The following ZNF114 variants were observed in gnomAD, a reference collection of about 807,000 sequenced individuals.
ZNF114 encodes zinc finger protein 114 (Y18).
A neutral mutation model predicts 6.8 loss-of-function variants in ZNF114; 8 were observed. The observed-to-expected ratio is 1.18, with a 90% CI of 0.69 to 2.13. ZNF114 has a LOEUF of 2.13. Ranked by LOEUF, ZNF114 falls within the 30% of genes most tolerant of loss-of-function variation. ZNF114 has a pLI of 0.00. For missense variants in ZNF114, 472 were observed against 519.5 expected (o/e 0.91, Z 0.89); for synonymous variants, 169 against 185.5 (o/e 0.91, Z 0.72).
intron 5 of ZNF114, among the ~76,000 whole-genome samples, chr19:48,283,716 G>A (rs1177102856): frequency 6.7e-6 from 1 of 148,610 alleles, no homozygotes; most frequent in Non-Finnish European, 1.5e-5. Flanking sequence ...CTTCTCCCTG[G>A]GGGGTTCTGG....
Position 48,279,864 on chromosome 19 carries a change from G to A in ZNF114, c.9+56G>A, listed in dbSNP as rs1967946375. On this transcript the variant is annotated intron_variant, in intron 4 of 5. Transcript: ENST00000595607. ...CGTGTTGTCGTTCCCACGAGTCAAT[G>A]TGCCTCTGCCTGTGGCTGGGAGTCA... is the stretch of plus-strand genomic sequence containing the variant. 4 of 1,613,090 alleles carry A rather than the reference G, an allele frequency of 2.5e-6. No homozygotes were observed. The Admixed American group carries it at 6.7e-5, about 27-fold the overall frequency.
In ZNF114 at chr19:48,286,973, G is replaced by A; in HGVS notation, c.*95G>A. ...GAGCTCAAGGGGTTAGCATGAGTGA[G>A]AACATCTTCCCTGAACTCTCGTATC... is the stretch of plus-strand genomic sequence containing the variant. On this transcript the variant is annotated 3_prime_UTR_variant, in exon 6 of 6. Coordinates refer to ENST00000595607, the MANE Select transcript of ZNF114 (RefSeq NM_153608.4). 7.6e-7 allele frequency: 1 copy of A among 1,308,672 alleles called. No homozygotes were observed. The highest frequency in any genetic ancestry group is 1.0e-6 in the Non-Finnish European group (1 of 975,162). The allele number at this position is 1,308,672 out of a possible 1,614,324, so 81.1% of individuals were successfully genotyped here. A position where few individuals can be genotyped will look rare whatever the true frequency, so the allele number is the denominator to read the frequency against.
chr19:48,282,385 C>T lies in ZNF114; in HGVS notation c.24C>T (p.Phe8=), dbSNP rs778929862. The change falls in exon 5 of 6, where the codon TTC becomes TTT. Residue 8 remains phenylalanine, a synonymous_variant. Transcript: ENST00000595607. The part of the protein sequence containing the change: MSQDSVT[F]ADVAVNFTKE... ...TGTTATTTTAGGACTCGGTGACCTTCGCAGACGTGGCTGTGAACTTCACCA... is the reference window on the plus strand; with the variant it reads ...TGTTATTTTAGGACTCGGTGACCTTTGCAGACGTGGCTGTGAACTTCACCA... 36 of 1,612,798 alleles carry T rather than the reference C, an allele frequency of 2.2e-5. No homozygotes were observed. Among genetic ancestry groups the T allele is most frequent in the Non-Finnish European group, 2.9e-5 (34 of 1,179,430 alleles).
rs1359570321 is a variant in ZNF114, at chr19:48,286,999, T to G, written c.*121T>G. 9.2e-7 allele frequency: 1 copy of G among 1,089,392 alleles called. No individual in the cohort carries two copies. The highest frequency in any genetic ancestry group is 2.8e-5 in the East Asian group (1 of 35,808). 67.5% of individuals were successfully genotyped at this position (1,089,392 alleles called of 1,614,324 possible). A position where few individuals can be genotyped will look rare whatever the true frequency, so the allele number is the denominator to read the frequency against. On this transcript the variant is annotated 3_prime_UTR_variant, in exon 6 of 6. Transcript: ENST00000595607. ...AACATCTTCCCTGAACTCTCGTATC[T>G]TACAGAAATGTGAAAAAAAACCCTG...
intron 3 of ZNF114, among the ~76,000 whole-genome samples, chr19:48,278,717 G>A (rs560799613): frequency 3.3e-5 from 5 of 152,196 alleles, no homozygotes; most frequent in Middle Eastern, 3.4e-3. Flanking sequence ...CGAGGCGGGC[G>A]GATCACTTGA....
Position 48,286,801 on chromosome 19 carries a change from T to C in ZNF114, c.1177T>C (p.Cys393Arg), listed in dbSNP as rs560357776. The change falls in exon 6 of 6, where the codon TGT becomes CGT. Residue 393 changes from cysteine to arginine, a missense_variant. Coordinates refer to ENST00000595607, the MANE Select transcript of ZNF114 (RefSeq NM_153608.4). ...TGEKPYKCKTCGKDFAKSSGL... is the reference protein window; with the variant it reads ...TGEKPYKCKTRGKDFAKSSGL... Reference sequence around the variant, plus strand: ...AGAGAAACCCTATAAATGTAAGACATGTGGAAAAGACTTTGCAAAGTCGTC... The same window carrying C: ...AGAGAAACCCTATAAATGTAAGACACGTGGAAAAGACTTTGCAAAGTCGTC... The C allele has an allele frequency of 2.5e-6, 4 of 1,605,500 alleles. No homozygotes were observed. In the South Asian group the frequency reaches 3.4e-5, roughly 14 times the overall value.
intron 3 of ZNF114, among the ~76,000 whole-genome samples, chr19:48,278,745 C>A (rs1967914831): frequency 6.6e-6 from 1 of 152,110 alleles, no homozygotes; most frequent in Non-Finnish European, 1.5e-5. Context: ...AGTTCGAGAC[C>A]AGCCTGGCCA....
intron 3 of ZNF114, among the ~76,000 whole-genome samples, chr19:48,277,660 C>A (rs1335451461): frequency 2.0e-5 from 3 of 152,214 alleles, no homozygotes; most frequent in Admixed American, 6.5e-5. Context: ...AGCTCCCCTG[C>A]CATCTGGCAC....
chr19:48,282,210 T>C (rs1600844526), intron 4 of ZNF114, 161 bp from the exon 5 acceptor site: 3 of 992,456 alleles, frequency 3.0e-6, no homozygotes, highest in East Asian at 2.9e-5. Context: ...AACCTCATCT[T>C]AATTCATTGA....
rs1968123198 is a variant in ZNF114, at chr19:48,286,190, G to A, written c.566G>A (p.Cys189Tyr). 1 of 1,614,190 alleles carries A rather than the reference G, an allele frequency of 6.2e-7. No homozygotes were observed. The highest frequency in any genetic ancestry group is 8.5e-7 in the Non-Finnish European group (1 of 1,180,042). The change falls in exon 6 of 6, where the codon TGT becomes TAT. Residue 189 changes from cysteine (C) to tyrosine (Y), a missense_variant. Coordinates refer to ENST00000595607, the MANE Select transcript of ZNF114 (RefSeq NM_153608.4). ...VLGWNIQWVP[C>Y]GRKTELKSST... ...GGGTGGAACATTCAGTGGGTTCCGTGTGGGAGAAAAACAGAGCTGAAATCA... is the reference window on the plus strand; with the variant it reads ...GGGTGGAACATTCAGTGGGTTCCGTATGGGAGAAAAACAGAGCTGAAATCA...
At chr19:48,277,794 G>GGGGTGTGGGGGTGTGTGTGTGTGTGT in intron 3 of ZNF114, among the ~76,000 whole-genome samples, 1 of 119,410 alleles carries the variant, frequency 8.4e-6, no homozygotes, top group East Asian at 2.5e-4. Context: ...GGAGGCATTG[G>GGGGTGTGGGGGTGTGTGTGTGTGTGT]GTGTGTGTGT....
chr19:48,274,507 T>TA (rs1491211469), intron 3 of ZNF114, among the ~76,000 whole-genome samples: 3,084 of 15,028 alleles, frequency 0.21, 42 homozygotes, highest in African/African-American at 0.29. Context: ...TATATATATA[T>TA]TTTTTTTTTT....
In ZNF114 at chr19:48,279,780, C is replaced by A; in HGVS notation, c.-20C>A. The stretch of plus-strand genomic sequence containing the variant: ...GGAAACACGGGGAAGCCAGGACTGG[C>A]CGTCACGTTGGTGACAAATATGTCC... On this transcript the variant is annotated 5_prime_UTR_variant, in exon 4 of 6. Coordinates refer to ENST00000595607, the MANE Select transcript of ZNF114 (RefSeq NM_153608.4). 6 of 1,613,966 alleles carry A rather than the reference C, an allele frequency of 3.7e-6. No homozygotes were observed. Among genetic ancestry groups the A allele is most frequent in the Non-Finnish European group, 5.1e-6 (6 of 1,179,926 alleles).
chr19:48,273,862 A>G lies in ZNF114; in HGVS notation c.-70+2034A>G, dbSNP rs572914912. Among the ~76,000 whole-genome samples, 353 of 145,818 alleles carry G rather than the reference A, an allele frequency of 2.4e-3. 1 individual carries two copies. The highest frequency in any genetic ancestry group is 8.6e-3 in the African/African-American group (339 of 39,226). ...AAGCTCCTCCTCCCGGGTTCTCGCCATTCTCCTGCCTCAGGCTCCCGAGTA... is the reference window on the plus strand; with the variant it reads ...AAGCTCCTCCTCCCGGGTTCTCGCCGTTCTCCTGCCTCAGGCTCCCGAGTA... On this transcript the variant is annotated intron_variant, in intron 3 of 5. Coordinates refer to ENST00000595607, the MANE Select transcript of ZNF114 (RefSeq NM_153608.4).
At chr19:48,285,519 G>C (rs976513463) in intron 5 of ZNF114, among the ~76,000 whole-genome samples, 1 of 145,800 alleles carries the variant, frequency 6.9e-6, no homozygotes, top group African/African-American at 2.6e-5. Flanking sequence ...GAAAGACAGA[G>C]AGAACGAGAG....
intron 3 of ZNF114, among the ~76,000 whole-genome samples, chr19:48,275,154 AAGAGAGAAAGAG>A (rs1031808603): frequency 4.9e-4 from 72 of 147,936 alleles, no homozygotes; most frequent in African/African-American, 1.8e-3. Context: ...AAAAGAAAGA[AAGAGAGAAAGAG>A]AGAGAGGAAG....
At position 48,283,614 on chromosome 19, in the gene ZNF114, G is replaced by A. The variant is rs184813696; in HGVS notation, c.136+1117G>A. Among the ~76,000 whole-genome samples the A allele has an allele frequency of 1.3e-3, 200 of 152,234 alleles. 1 individual carries two copies. Among genetic ancestry groups the A allele is most frequent in the African/African-American group, 4.7e-3 (195 of 41,544 alleles). On this transcript the variant is annotated intron_variant, in intron 5 of 5. Coordinates refer to ENST00000595607, the MANE Select transcript of ZNF114 (RefSeq NM_153608.4). ...AGCATGGTAACAGAGCAACAGGCTC[G>A]CCACTGAGACAGCAGGGTTTGCAAC...
At chr19:48,272,481 C>G (rs1350191794) in intron 3 of ZNF114, among the ~76,000 whole-genome samples, 1 of 148,612 alleles carries the variant, frequency 6.7e-6, no homozygotes, top group Non-Finnish European at 1.5e-5. Context: ...GTGATCCTAG[C>G]TACACGGGAG....
chr19:48,278,232 G>C (rs536858545), intron 3 of ZNF114, among the ~76,000 whole-genome samples: 3 of 152,058 alleles, frequency 2.0e-5, no homozygotes, highest in African/African-American at 4.8e-5. Flanking sequence ...CAACGCGCCC[G>C]GCCCAATTCA....
Sources: gnomAD v4.1 joint callset for allele counts (sites outside exome capture counted in the v4.1 genomes callset) on GRCh38, gnomAD v4.1.1 for gene constraint, MANE v1.5 for transcripts, NCBI Gene and HGNC (gene_info 2026-07-23, HGNC 2026-07-21) for gene names.